The following CGGBP1 variants were observed in gnomAD, a reference collection of about 807,000 sequenced individuals.
The protein encoded by CGGBP1 is CGG triplet repeat-binding protein 1.
In CGGBP1, 4 loss-of-function variants were observed where a neutral mutation model predicts 11.4. The ratio of observed to expected loss-of-function variants is 0.35; its 90% CI spans 0.17 to 0.80. The LOEUF is 0.80. CGGBP1 is among the 30% of genes least tolerant of loss of function. The pLI, the probability that CGGBP1 is intolerant of heterozygous loss-of-function variation, is 0.52. For missense variants in CGGBP1, 135 were observed against 202.1 expected, an observed-to-expected ratio of 0.67 and a Z score of 2.01; for synonymous variants, 76 against 74.1, an observed-to-expected ratio of 1.03 and a Z score of -0.13.
At chr3:88,141,033 G>T in exon 2 of CGGBP1, 1 of 1,597,214 alleles carries the variant, frequency 6.3e-7, no homozygotes, top group South Asian at 1.1e-5. Context: ...CTTTGGATTT[G>T]ATTCAGATGA....
At chr3:88,060,057 TG>T (rs1217264643), upstream of CGGBP1, among the ~76,000 whole-genome samples, 8 of 152,290 alleles carry the variant, frequency 5.3e-5, no homozygotes, top group Non-Finnish European at 1.0e-4. Flanking sequence ...GCGTAGACGC[TG>T]ACCCACGGTG....
chr3:88,095,616 T>C (rs1704012869), intron 2 of CGGBP1: 1 of 516,952 alleles, frequency 1.9e-6, no homozygotes, highest in Admixed American at 2.0e-5. Flanking sequence ...CTTTTCTGGT[T>C]CTAGTCTTAT....
At chr3:88,147,966 C>T (rs894230302) in intron 1 of CGGBP1, among the ~76,000 whole-genome samples, 27 of 152,162 alleles carry the variant, frequency 1.8e-4, no homozygotes, top group African/African-American at 6.5e-4. Flanking sequence ...AGAAACCCTG[C>T]GTTAGATCAG....
intron 2 of CGGBP1, chr3:88,140,208 A>G: frequency 6.2e-7 from 1 of 1,613,832 alleles, no homozygotes; most frequent in Non-Finnish European, 8.5e-7. Context: ...GGCTCAGTGT[A>G]GTTTTCCAGA....
chr3:88,072,747 C>A (rs1381143230), intron 2 of CGGBP1, among the ~76,000 whole-genome samples: 1 of 151,828 alleles, frequency 6.6e-6, no homozygotes, highest in Non-Finnish European at 1.5e-5. Flanking sequence ...ACCTCTTATC[C>A]CTCCACAAAA....
At chr3:88,117,283 A>G (rs763641444) in intron 2 of CGGBP1, among the ~76,000 whole-genome samples, 6 of 152,184 alleles carry the variant, frequency 3.9e-5, no homozygotes, top group Non-Finnish European at 7.4e-5. Context: ...GGATAAAGGA[A>G]AGTTCCTGAA....
chr3:88,082,455 C>T (rs937966271), intron 2 of CGGBP1, among the ~76,000 whole-genome samples: 6 of 152,158 alleles, frequency 3.9e-5, no homozygotes, highest in Non-Finnish European at 5.9e-5. Flanking sequence ...TGGCTGGATT[C>T]GCTGTAAACA....
chr3:88,137,912 ATGT>A (rs1258623261), intron 2 of CGGBP1, among the ~76,000 whole-genome samples: 1 of 151,738 alleles, frequency 6.6e-6, no homozygotes, highest in Non-Finnish European at 1.5e-5. Flanking sequence ...CATATATATG[ATGT>A]TAAAGACATT....
At chr3:88,072,710 T>A (rs928982869) in intron 2 of CGGBP1, among the ~76,000 whole-genome samples, 1 of 152,154 alleles carries the variant, frequency 6.6e-6, no homozygotes, top group Non-Finnish European at 1.5e-5. Context: ...TTAAAGGTAC[T>A]TAACACCATC....
intron 2 of CGGBP1, among the ~76,000 whole-genome samples, chr3:88,119,374 G>C (rs1410021662): frequency 2.1e-5 from 1 of 47,348 alleles, no homozygotes; most frequent in African/African-American, 6.0e-5. Context: ...ATCACACTCT[G>C]GGGACTGTTG....
chr3:88,110,615 C>T (rs747335840), intron 2 of CGGBP1, among the ~76,000 whole-genome samples: 21 of 152,066 alleles, frequency 1.4e-4, no homozygotes, highest in Non-Finnish European at 2.6e-4. Context: ...TAGACTGTTA[C>T]TCATATTTTG....
intron 2 of CGGBP1, among the ~76,000 whole-genome samples, chr3:88,138,035 C>G (rs1449208599): frequency 6.6e-6 from 1 of 151,990 alleles, no homozygotes; most frequent in Non-Finnish European, 1.5e-5. Context: ...AAAGCTGATG[C>G]AATTATCCTT....
intron 2 of CGGBP1, among the ~76,000 whole-genome samples, chr3:88,070,440 T>A (rs570212546): frequency 2.9e-4 from 44 of 152,136 alleles, no homozygotes; most frequent in East Asian, 5.8e-4. Context: ...TTTTTTTTTT[T>A]AATCAGATTC....
chr3:88,119,397 A>T (rs9876502), intron 2 of CGGBP1, among the ~76,000 whole-genome samples: 11 of 596 alleles, frequency 0.018, no homozygotes, highest in Non-Finnish European at 0.045. Context: ...GGGTGGGGGG[A>T]GGGGGGAGGG....
rs1706475150 is a variant in CGGBP1, at chr3:88,053,530, C to G, written c.*1943G>C. 1 of 152,160 alleles carries G rather than the reference C, an allele frequency of 6.6e-6. No individual in the cohort carries two copies. Among genetic ancestry groups the G allele is most frequent in the Non-Finnish European group, 1.5e-5 (1 of 67,968 alleles). The allele number at this position is 152,160 out of a possible 1,614,324, so 9.4% of individuals were successfully genotyped here. A position where few individuals can be genotyped will look rare whatever the true frequency, so the allele number is the denominator to read the frequency against. On this transcript the variant is annotated 3_prime_UTR_variant, in exon 4 of 4. Coordinates refer to ENST00000482016, the MANE Select transcript of CGGBP1 (RefSeq NM_001008390.2). ...TTCTAATGCAACATCATCCAGTTTACTGCTTAGGACCACTCTCAAAGCTGA... is the reference window on the plus strand; with the variant it reads ...TTCTAATGCAACATCATCCAGTTTAGTGCTTAGGACCACTCTCAAAGCTGA...
intron 2 of CGGBP1, among the ~76,000 whole-genome samples, chr3:88,077,262 T>C (rs1353186469): frequency 1.3e-5 from 2 of 152,124 alleles, no homozygotes; most frequent in Admixed American, 1.3e-4. Context: ...ATATAGGCAG[T>C]GTGCTTTCCA....
chr3:88,064,075 A>G (rs1158895919), intron 2 of CGGBP1, among the ~76,000 whole-genome samples: 2 of 150,982 alleles, frequency 1.3e-5, no homozygotes, highest in Non-Finnish European at 2.9e-5. Context: ...ATGGAAGAAA[A>G]CAAGAATGGA....
In CGGBP1 at chr3:88,055,303, T is replaced by C; in HGVS notation, c.*170A>G. ...TACCATTGGTGACTAAAATTAACAA[T>C]AAGTTTTGCAGTGAGGTGGTTTTTT... On this transcript the variant is annotated 3_prime_UTR_variant, in exon 4 of 4. Transcript: ENST00000482016. The surrounding 1 kb of genome is among the most constrained non-coding windows in gnomAD (Gnocchi z 4.2). 1 of 537,946 alleles carries C rather than the reference T, an allele frequency of 1.9e-6. No homozygotes were observed. The highest frequency in any genetic ancestry group is 3.0e-6 in the Non-Finnish European group (1 of 332,040). 33.3% of individuals were successfully genotyped at this position (537,946 alleles called of 1,614,324 possible).
At chr3:88,086,343 C>T (rs1708335173) in intron 2 of CGGBP1, 1 of 1,535,306 alleles carries the variant, frequency 6.5e-7, no homozygotes, top group African/African-American at 1.4e-5. Flanking sequence ...TTACAACAGC[C>T]AGTGCATCAT....
Sources: gnomAD v4.1 joint callset for allele counts (sites outside exome capture counted in the v4.1 genomes callset) on GRCh38, gnomAD v4.1.1 for gene constraint, Gnocchi (gnomAD v3.1) non-coding constraint, MANE v1.5 for transcripts, NCBI Gene and HGNC (gene_info 2026-07-23, HGNC 2026-07-21) for gene names.